ARHGEF9: variants seen among roughly 807,000 people sequenced by gnomAD.
ARHGEF9 encodes the protein Cdc42 guanine nucleotide exchange factor 9.
A neutral mutation model predicts 41.3 loss-of-function variants in ARHGEF9; 2 were observed. That is an observed-to-expected ratio of 0.05 (90% CI 0.02 to 0.15). ARHGEF9 has a LOEUF of 0.15. Ranked by LOEUF, ARHGEF9 falls within the 10% of genes least tolerant of loss-of-function variation. ARHGEF9 has a pLI of 1.00. For synonymous variants in ARHGEF9, 160 were observed against 154.4 expected (o/e 1.04, Z -0.27); for missense variants, 225 against 424.7 (o/e 0.53, Z 4.13).
chrX:63,698,188 G>A (rs1291787480), intron 3 of ARHGEF9, among the ~76,000 whole-genome samples: 2 of 107,076 alleles, frequency 1.9e-5, no homozygotes, highest in African/African-American at 6.7e-5. Flanking sequence ...ACGTTAATAT[G>A]TCCTAACACC....
chrX:63,644,845 A>C (rs2047899751), intron 8 of ARHGEF9, among the ~76,000 whole-genome samples: 1 of 108,042 alleles, frequency 9.3e-6, no homozygotes, highest in Non-Finnish European at 1.9e-5. Flanking sequence ...GGCTCACTGC[A>C]GCCTTGATCT....
intron 4 of ARHGEF9, among the ~76,000 whole-genome samples, chrX:63,696,663 C>T (rs1414485884): frequency 9.0e-6 from 1 of 111,445 alleles, no homozygotes. Flanking sequence ...TGAATTCCTC[C>T]CAAAATACTG....
intron 9 of ARHGEF9, chrX:63,641,081 G>A (rs1397026874): frequency 9.0e-6 from 1 of 111,402 alleles, no homozygotes. Context: ...GCTGGGCGCA[G>A]TGGCTCACAT....
chrX:63,640,443 T>C (rs2047552827), intron 9 of ARHGEF9: 1 of 111,762 alleles, frequency 8.9e-6, no homozygotes, highest in South Asian at 3.8e-4. Context: ...ATTTTTGCTA[T>C]TCTAGGGCAC....
At chrX:63,662,755 G>A (rs1379101518) in intron 7 of ARHGEF9, among the ~76,000 whole-genome samples, 1 of 112,143 alleles carries the variant, frequency 8.9e-6, no homozygotes, top group Non-Finnish European at 1.9e-5. Flanking sequence ...GTTAATAAGT[G>A]TAAAGTTCTT....
chrX:63,685,370 T>C (rs1304496984), intron 4 of ARHGEF9, among the ~76,000 whole-genome samples: 1 of 111,663 alleles, frequency 9.0e-6, no homozygotes, highest in African/African-American at 3.2e-5. Context: ...ACTCATCATA[T>C]CAATGTTCCC....
intron 4 of ARHGEF9, among the ~76,000 whole-genome samples, chrX:63,689,634 A>T (rs1323581048): frequency 8.9e-6 from 1 of 112,339 alleles, no homozygotes; most frequent in Middle Eastern, 4.2e-3. Flanking sequence ...CAGTTGTACT[A>T]TAGACCAAAT....
intron 7 of ARHGEF9, chrX:63,657,160 T>G (rs1556337242): frequency 8.9e-6 from 1 of 112,394 alleles, no homozygotes; most frequent in Non-Finnish European, 1.9e-5. Flanking sequence ...TCCTCTCTGC[T>G]TTATCTGCTC....
chrX:63,756,852 C>CT (rs1428195614), intron 1 of ARHGEF9, among the ~76,000 whole-genome samples: 2 of 111,812 alleles, frequency 1.8e-5, no homozygotes, highest in Non-Finnish European at 1.9e-5. Context: ...TCCTCATTAT[C>CT]TTTTGACCCC....
At chrX:63,723,184 G>A (rs2053739227) in intron 2 of ARHGEF9, among the ~76,000 whole-genome samples, 1 of 111,103 alleles carries the variant, frequency 9.0e-6, no homozygotes, top group African/African-American at 3.3e-5. Context: ...CCTAATATCT[G>A]TCTAGCACTG....
intron 1 of ARHGEF9, among the ~76,000 whole-genome samples, chrX:63,775,327 T>C (rs1171474045): frequency 7.1e-5 from 8 of 112,694 alleles, no homozygotes; most frequent in Non-Finnish European, 1.3e-4. Context: ...CATTACTGGG[T>C]ATATAGCCAA....
At chrX:63,693,298 C>T (rs113351766) in intron 4 of ARHGEF9, among the ~76,000 whole-genome samples, 31 of 111,760 alleles carry the variant, frequency 2.8e-4, no homozygotes, top group Non-Finnish European at 4.7e-4. Context: ...TGATGGCTAT[C>T]CCAATTACCC....
At chrX:63,640,520 T>G (rs1250070695) in intron 9 of ARHGEF9, 5 of 112,326 alleles carry the variant, frequency 4.5e-5, no homozygotes, top group African/African-American at 1.6e-4. Flanking sequence ...CATGGGGAGC[T>G]CTATACTGAT....
intron 8 of ARHGEF9, among the ~76,000 whole-genome samples, chrX:63,647,445 T>G (rs1205757145): frequency 3.6e-5 from 4 of 111,773 alleles, no homozygotes; most frequent in African/African-American, 1.3e-4. Context: ...CATGAAGGGT[T>G]GTTGAATTTT....
intron 1 of ARHGEF9, among the ~76,000 whole-genome samples, chrX:63,778,290 G>A (rs1342046880): frequency 8.9e-6 from 1 of 111,957 alleles, no homozygotes; most frequent in Non-Finnish European, 1.9e-5. Flanking sequence ...CTCTACGTTG[G>A]CCCCTTTTAG....
chrX:63,651,167 T>C (rs2048520039), intron 8 of ARHGEF9, among the ~76,000 whole-genome samples: 1 of 111,123 alleles, frequency 9.0e-6, no homozygotes, highest in Admixed American at 9.7e-5. Flanking sequence ...ATAATGCCAA[T>C]CAGAATCCAA....
chrX:63,662,090 T>A (rs1234757350), intron 7 of ARHGEF9, among the ~76,000 whole-genome samples: 1 of 111,731 alleles, frequency 9.0e-6, no homozygotes, highest in East Asian at 2.8e-4. Flanking sequence ...AAGATGAGAT[T>A]AATGAGTACC....
At chrX:63,670,063 G>A (rs1478533247) in intron 6 of ARHGEF9, 1 of 111,639 alleles carries the variant, frequency 9.0e-6, no homozygotes. Flanking sequence ...GTCAGAGCCC[G>A]AGCGAAGAGG....
chrX:63,741,498 T>C (rs1887636867), intron 1 of ARHGEF9, among the ~76,000 whole-genome samples: 1 of 112,534 alleles, frequency 8.9e-6, no homozygotes, highest in African/African-American at 3.2e-5. Flanking sequence ...TCAAAATATG[T>C]CCCACATGGC....
Sources: allele counts gnomAD v4.1 joint callset (sites outside exome capture counted in the v4.1 genomes callset), GRCh38; gene constraint gnomAD v4.1.1; transcripts MANE v1.5; gene names NCBI Gene and HGNC (gene_info 2026-07-23, HGNC 2026-07-21).